Variants in MAP3K20 observed in about 807,000 individuals in gnomAD.
MAP3K20 encodes HCCS-4.
MAP3K20 carries 40 observed loss-of-function variants against 85.7 expected under a neutral mutation model. That is an observed-to-expected ratio of 0.47 (90% CI 0.36 to 0.61). The LOEUF (loss-of-function observed/expected upper bound fraction) is 0.61, where lower values mean the gene tolerates loss of function less well. MAP3K20 is among the 20% of genes least tolerant of loss of function. The pLI, the probability that MAP3K20 is intolerant of heterozygous loss-of-function variation, is 0.00. For synonymous variants in MAP3K20, 325 were observed against 327.7 expected (o/e 0.99, Z 0.09); for missense variants, 817 against 961.7 (o/e 0.85, Z 1.99).
At chr2:173,099,193 A>G (rs890766935) in intron 2 of MAP3K20, among the ~76,000 whole-genome samples, 43 of 152,246 alleles carry the variant, frequency 2.8e-4, no homozygotes, top group African/African-American at 9.9e-4. Context: ...GCAAATGTAC[A>G]TGAAACCTCA....
chr2:173,076,912 C>G (rs1430656431), intron 1 of MAP3K20, among the ~76,000 whole-genome samples: 4 of 152,220 alleles, frequency 2.6e-5, no homozygotes, highest in South Asian at 2.1e-4. Context: ...TAGATGACAT[C>G]CGATTGCCTA....
intron 2 of MAP3K20, among the ~76,000 whole-genome samples, chr2:173,147,964 G>A (rs1057318970): frequency 6.6e-6 from 1 of 152,162 alleles, no homozygotes; most frequent in Non-Finnish European, 1.5e-5. Flanking sequence ...TAAAAAAGTT[G>A]TCTGATTTTG....
At chr2:173,199,314 G>C (rs1690956706) in intron 8 of MAP3K20, among the ~76,000 whole-genome samples, 1 of 152,184 alleles carries the variant, frequency 6.6e-6, no homozygotes, top group Non-Finnish European at 1.5e-5. Flanking sequence ...GATGATAGCT[G>C]AAACTGATGG....
chr2:173,094,471 A>G (rs1687400693), intron 2 of MAP3K20, among the ~76,000 whole-genome samples: 1 of 152,230 alleles, frequency 6.6e-6, no homozygotes, highest in Admixed American at 6.5e-5. Flanking sequence ...AACTTTTGCA[A>G]TGCGAGCTTT....
At chr2:173,155,454 A>G (rs1385410881) in intron 2 of MAP3K20, among the ~76,000 whole-genome samples, 1 of 152,356 alleles carries the variant, frequency 6.6e-6, no homozygotes, top group Non-Finnish European at 1.5e-5. Flanking sequence ...GCGCCAAAAA[A>G]TAGTGCCTGG....
chr2:173,076,028 A>G, intron 1 of MAP3K20, 26 bp downstream of exon 1: 1 of 981,814 alleles, frequency 1.0e-6, no homozygotes, highest in Non-Finnish European at 1.2e-6. Flanking sequence ...GAGCCCGCGG[A>G]GGGCGGGGAG....
chr2:173,248,588 G>A lies in MAP3K20; in HGVS notation c.1359+9092G>A, dbSNP rs574452324. 1.1e-3 allele frequency among the ~76,000 whole-genome samples: 166 copies of A among 152,320 alleles called. 2 individuals are homozygous for A. The highest frequency in any genetic ancestry group is 3.8e-3 in the African/African-American group (157 of 41,572). On this transcript the variant is annotated intron_variant, in intron 16 of 19. Transcript: ENST00000375213. ...CTAGAGAGCTAGAGCAGAACTAGGC[G>A]AGGTGCTCAGTGCATACCTGCTGAA...
At chr2:173,238,320 T>C in intron 14 of MAP3K20, 53 bp from the exon 15 acceptor site, 1 of 1,487,692 alleles carries the variant, frequency 6.7e-7, no homozygotes, top group Admixed American at 1.8e-5. Context: ...ATGATTTTAG[T>C]CTTCTCTTGG....
intron 2 of MAP3K20, among the ~76,000 whole-genome samples, chr2:173,144,462 CAAAAAAAAAAAA>C (rs71018537): frequency 1.6e-4 from 15 of 92,896 alleles, no homozygotes; most frequent in African/African-American, 5.5e-4. Context: ...GACTCCGTCT[CAAAAAAAAAAAA>C]AAAAAAAAAA....
chr2:173,266,103 A>C lies in MAP3K20; in HGVS notation c.1756A>C (p.Thr586Pro). The change falls in exon 20 of 20, where the codon ACT (threonine) becomes CCT (proline). Residue 586 changes from threonine (T) to proline (P), a missense_variant. This residue lies in a region of MAP3K20 where 454 missense variants were observed against 476.9 expected (regional missense o/e 0.95). Coordinates refer to ENST00000375213, the MANE Select transcript of MAP3K20 (RefSeq NM_016653.3). ...TLRMRQIASN[T>P]SLQRSQSNPI... ...GAGGATGCGGCAGATTGCATCCAAC[A>C]CTTCTTTACAGCGTTCCCAGAGCAA... 1 of 1,606,554 alleles carries C rather than the reference A, an allele frequency of 6.2e-7. No homozygotes were observed. The highest frequency in any genetic ancestry group is 8.5e-7 in the Non-Finnish European group (1 of 1,176,276).
intron 1 of MAP3K20, among the ~76,000 whole-genome samples, chr2:173,078,153 A>G (rs988630920): frequency 1.3e-5 from 2 of 152,230 alleles, no homozygotes; most frequent in African/African-American, 4.8e-5. Context: ...AGAAAGTGGT[A>G]GATTCAGAAG....
Position 173,132,076 on chromosome 2 carries a change from A to G in MAP3K20, c.160-37729A>G, listed in dbSNP as rs181105697. The stretch of plus-strand genomic sequence containing the variant: ...CTCAGTCATGTAGGTTTTGTTGATC[A>G]TAGATATTTTTGAATTGATGCTTTC... On this transcript the variant is annotated intron_variant, in intron 2 of 19. Transcript: ENST00000375213. 3.5e-4 allele frequency among the ~76,000 whole-genome samples: 53 copies of G among 152,258 alleles called. 1 individual carries two copies. Among genetic ancestry groups the G allele is most frequent in the African/African-American group, 1.2e-3 (51 of 41,552 alleles).
intron 12 of MAP3K20, among the ~76,000 whole-genome samples, chr2:173,230,617 G>A (rs1367104752): frequency 2.0e-5 from 3 of 152,202 alleles, no homozygotes; most frequent in Non-Finnish European, 4.4e-5. Flanking sequence ...ATTCTTGATA[G>A]AAACCCTGAG....
chr2:173,194,061 A>AC (rs1311195928), intron 7 of MAP3K20, among the ~76,000 whole-genome samples: 4 of 152,252 alleles, frequency 2.6e-5, no homozygotes, highest in Non-Finnish European at 2.9e-5. Context: ...GCCTTCCCTT[A>AC]CCTGGTGGAA....
intron 12 of MAP3K20, among the ~76,000 whole-genome samples, chr2:173,229,939 C>G (rs940946166): frequency 2.6e-5 from 4 of 152,166 alleles, no homozygotes; most frequent in Non-Finnish European, 4.4e-5. Context: ...TCAAGCGATT[C>G]TCCTGCCTCA....
intron 12 of MAP3K20, 29 bp from the exon 13 acceptor site, chr2:173,232,163 C>CA: frequency 1.9e-6 from 3 of 1,614,180 alleles, no homozygotes; most frequent in Non-Finnish European, 2.5e-6. Flanking sequence ...TGTGAATCTT[C>CA]AAAACCGTAT....
rs3769149 is a variant in MAP3K20, at chr2:173,259,328, G to C, written c.1476+513G>C. 6.6e-5 allele frequency among the ~76,000 whole-genome samples: 10 copies of C among 152,112 alleles called. 1 individual carries two copies. Among genetic ancestry groups the C allele is most frequent in the Admixed American group, 5.2e-4 (8 of 15,262 alleles). On this transcript the variant is annotated intron_variant, in intron 17 of 19. Coordinates refer to ENST00000375213, the MANE Select transcript of MAP3K20 (RefSeq NM_016653.3). ...ACATGTTACTACTCCAGGGTCAATGGTGGAAGCATGTTGATGGAAGCATGC... is the reference window on the plus strand; with the variant it reads ...ACATGTTACTACTCCAGGGTCAATGCTGGAAGCATGTTGATGGAAGCATGC...
chr2:173,141,038 A>G (rs1020439930), intron 2 of MAP3K20, among the ~76,000 whole-genome samples: 8 of 152,204 alleles, frequency 5.3e-5, no homozygotes, highest in Admixed American at 1.3e-4. Context: ...TATATATCAT[A>G]AAAACGTGTC....
chr2:173,204,960 G>A lies in MAP3K20; in HGVS notation c.744+1090G>A, dbSNP rs556591642. ...CTACTAAAAATACAAAAAATTAGCC[G>A]GGCGTGGTGGCGGGCACCTGTAGTC... On this transcript the variant is annotated intron_variant, in intron 9 of 19. Transcript: ENST00000375213. 2.6e-3 allele frequency among the ~76,000 whole-genome samples: 402 copies of A among 151,812 alleles called. 3 individuals carry two copies. Among genetic ancestry groups the A allele is most frequent in the African/African-American group, 9.1e-3 (375 of 41,420 alleles).
Sources: allele counts gnomAD v4.1 joint callset (sites outside exome capture counted in the v4.1 genomes callset), GRCh38; gene constraint gnomAD v4.1.1; regional missense constraint gnomAD v4.1.1; transcripts MANE v1.5; gene names NCBI Gene and HGNC (gene_info 2026-07-23, HGNC 2026-07-21).